WWOX: variants seen among roughly 807,000 people sequenced by gnomAD.
The protein encoded by WWOX is WW domain-containing oxidoreductase.
WWOX carries 69 observed loss-of-function variants against 46.2 expected under a neutral mutation model. The ratio of observed to expected loss-of-function variants is 1.49; its 90% CI spans 1.23 to 1.82. The LOEUF (loss-of-function observed/expected upper bound fraction) is 1.82, where lower values mean the gene tolerates loss of function less well. Among genes scored for constraint, WWOX ranks in the 40% most tolerant of loss-of-function variants. The pLI is 0.00. For synonymous variants in WWOX, 359 were observed against 202.6 expected (o/e 1.77, Z -6.56); for missense variants, 919 against 542.6 (o/e 1.69, Z -6.89).
chr16:78,755,808 G>A (rs1399784707), intron 8 of WWOX, among the ~76,000 whole-genome samples: 1 of 152,110 alleles, frequency 6.6e-6, no homozygotes, highest in South Asian at 2.1e-4. Flanking sequence ...TCTCACTTTC[G>A]CCATTTAATA....
In WWOX at chr16:78,315,713, C is replaced by T. The variant is rs2080344423; in HGVS notation, c.517-71147C>T. 2.6e-5 allele frequency among the ~76,000 whole-genome samples: 4 copies of T among 152,232 alleles called. 1 individual carries two copies. In the South Asian group the frequency reaches 8.3e-4, roughly 32 times the overall value. ...GGGGAAAACAATCATTTCTTGTGCG[C>T]TAATGCCACTCAGCAGGTGCTTACA... On this transcript the variant is annotated intron_variant, in intron 5 of 8. Transcript: ENST00000566780.
At chr16:78,608,306 G>C (rs1280380957) in intron 8 of WWOX, among the ~76,000 whole-genome samples, 1 of 152,190 alleles carries the variant, frequency 6.6e-6, no homozygotes, top group East Asian at 1.9e-4. Flanking sequence ...CTCTACTGCA[G>C]AATAATGAGG....
chr16:78,934,789 A>G (rs900891803), intron 8 of WWOX, among the ~76,000 whole-genome samples: 4 of 152,162 alleles, frequency 2.6e-5, no homozygotes, highest in African/African-American at 7.2e-5. Context: ...GCAGGCCTAT[A>G]GAGAGCAGAT....
chr16:78,670,093 G>C (rs190134643), intron 8 of WWOX, among the ~76,000 whole-genome samples: 2 of 151,998 alleles, frequency 1.3e-5, no homozygotes, highest in African/African-American at 4.8e-5. Flanking sequence ...GGCCGCCCCC[G>C]GAAGCTCCAT....
intron 3 of WWOX, among the ~76,000 whole-genome samples, chr16:78,110,443 A>C (rs746441170): frequency 6.6e-6 from 1 of 150,836 alleles, no homozygotes; most frequent in Admixed American, 6.6e-5. Context: ...ATCCATATCT[A>C]TTTTTCAAAA....
At chr16:78,736,273 G>C (rs922303810) in intron 8 of WWOX, among the ~76,000 whole-genome samples, 1 of 152,110 alleles carries the variant, frequency 6.6e-6, no homozygotes. Context: ...CCTTCGTGTC[G>C]GACAGTCATA....
At chr16:78,427,470 G>A (rs112333872) in intron 7 of WWOX, among the ~76,000 whole-genome samples, 5 of 152,226 alleles carry the variant, frequency 3.3e-5, no homozygotes, top group African/African-American at 9.6e-5. Context: ...AACCCTCAAT[G>A]GCTGCAGCTG....
intron 8 of WWOX, among the ~76,000 whole-genome samples, chr16:78,981,271 G>T (rs999874811): frequency 6.6e-6 from 1 of 152,030 alleles, no homozygotes; most frequent in Non-Finnish European, 1.5e-5. Context: ...CTCTGCGCTG[G>T]CTGATGCCTG....
chr16:78,982,222 A>G (rs1026909660), intron 8 of WWOX, among the ~76,000 whole-genome samples: 2 of 152,206 alleles, frequency 1.3e-5, no homozygotes, highest in African/African-American at 4.8e-5. Flanking sequence ...TAGGAACATG[A>G]ATTTGCATTC....
intron 8 of WWOX, among the ~76,000 whole-genome samples, chr16:78,885,645 G>C (rs1331583913): frequency 6.6e-6 from 1 of 152,100 alleles, no homozygotes; most frequent in Non-Finnish European, 1.5e-5. Flanking sequence ...GTTGCAATTT[G>C]GTAGACTGGA....
intron 8 of WWOX, among the ~76,000 whole-genome samples, chr16:79,150,872 T>C (rs1335025843): frequency 6.6e-6 from 1 of 152,116 alleles, no homozygotes; most frequent in Non-Finnish European, 1.5e-5. Flanking sequence ...GTGAGCCAAA[T>C]AAAATACATC....
At chr16:78,382,013 T>A (rs1418164550) in intron 5 of WWOX, among the ~76,000 whole-genome samples, 2 of 152,208 alleles carry the variant, frequency 1.3e-5, no homozygotes, top group African/African-American at 4.8e-5. Context: ...CATGCTGCTA[T>A]GCCCAGCCAG....
intron 8 of WWOX, among the ~76,000 whole-genome samples, chr16:78,529,186 C>T (rs572672857): frequency 5.9e-5 from 9 of 152,114 alleles, no homozygotes; most frequent in African/African-American, 1.9e-4. Context: ...AACTCCTGGC[C>T]TCAAAGGATC....
At chr16:78,103,387 C>T (rs942146193) in intron 1 of WWOX, among the ~76,000 whole-genome samples, 3 of 152,072 alleles carry the variant, frequency 2.0e-5, no homozygotes, top group Non-Finnish European at 2.9e-5. Context: ...TTCAGCCCCC[C>T]GTGCATTAGC....
chr16:78,531,479 A>G (rs2043619554), intron 8 of WWOX, among the ~76,000 whole-genome samples: 1 of 152,114 alleles, frequency 6.6e-6, no homozygotes, highest in African/African-American at 2.4e-5. Context: ...ACCAAAAATT[A>G]TCTTTTGTAT....
intron 5 of WWOX, among the ~76,000 whole-genome samples, chr16:78,193,431 C>T (rs999042445): frequency 1.6e-4 from 21 of 128,420 alleles, no homozygotes; most frequent in Admixed American, 1.2e-3. Context: ...AAAAGAAAGG[C>T]ACATCTGAGT....
intron 1 of WWOX, among the ~76,000 whole-genome samples, chr16:78,101,628 C>A (rs535937951): frequency 1.3e-5 from 2 of 152,104 alleles, no homozygotes; most frequent in African/African-American, 2.4e-5. Context: ...CCCAGAATTT[C>A]TGATTTAATT....
At chr16:78,593,913 G>C (rs889438876) in intron 8 of WWOX, among the ~76,000 whole-genome samples, 6 of 152,156 alleles carry the variant, frequency 3.9e-5, no homozygotes, top group African/African-American at 1.4e-4. Flanking sequence ...TCCTTCTTTA[G>C]CAATTGGAGT....
intron 8 of WWOX, among the ~76,000 whole-genome samples, chr16:79,174,156 C>T (rs772224256): frequency 1.3e-5 from 2 of 152,096 alleles, no homozygotes; most frequent in Non-Finnish European, 1.5e-5. Context: ...GTGACGATAC[C>T]GGGACACGTA....
Sources: gnomAD v4.1 joint callset for allele counts (sites outside exome capture counted in the v4.1 genomes callset) on GRCh38, gnomAD v4.1.1 for gene constraint, MANE v1.5 for transcripts, NCBI Gene and HGNC (gene_info 2026-07-23, HGNC 2026-07-21) for gene names.